ZBTB2: variants seen among roughly 807,000 people sequenced by gnomAD.
The protein encoded by ZBTB2 is zinc finger and BTB domain-containing protein 2.
A neutral mutation model predicts 39.5 loss-of-function variants in ZBTB2; 2 were observed. The observed-to-expected ratio is 0.05, with a 90% CI of 0.02 to 0.16. The LOEUF is 0.16. Ranked by LOEUF, ZBTB2 falls within the 10% of genes least tolerant of loss-of-function variation. The pLI is 1.00. For synonymous variants in ZBTB2, 251 were observed against 256.6 expected (o/e 0.98, Z 0.21); for missense variants, 391 against 653.0 (o/e 0.60, Z 4.37).
At chr6:151,390,043 C>T (rs868442879) in intron 1 of ZBTB2, among the ~76,000 whole-genome samples, 4 of 151,986 alleles carry the variant, frequency 2.6e-5, no homozygotes, top group African/African-American at 9.7e-5. Flanking sequence ...CCGCGCGGGT[C>T]CCACGCCCCA....
rs189889092 is a variant in ZBTB2 at position 151,367,017 on chromosome 6, A to C, written c.174-125T>G. 3.0e-4 allele frequency: 312 copies of C among 1,031,742 alleles called. 2 individuals carry two copies. The East Asian group carries it at 7.7e-3, about 25-fold the overall frequency. 63.9% of individuals were successfully genotyped at this position (1,031,742 alleles called of 1,614,324 possible). A position where few individuals can be genotyped will look rare whatever the true frequency, so the allele number is the denominator to read the frequency against. Reference sequence around the variant, plus strand: ...CATTTCCTATCCTTGATTTTTAGTAAGTTTCATGAAAATGGGATGAAATAA... The same window carrying C: ...CATTTCCTATCCTTGATTTTTAGTACGTTTCATGAAAATGGGATGAAATAA... On this transcript the variant is annotated intron_variant, in intron 2 of 2. Coordinates refer to ENST00000325144, the MANE Select transcript of ZBTB2 (RefSeq NM_020861.3).
At chr6:151,370,437 G>A (rs77821402) in intron 2 of ZBTB2, among the ~76,000 whole-genome samples, 2,059 of 152,258 alleles carry the variant, frequency 0.014, 35 homozygotes, top group African/African-American at 0.047. Flanking sequence ...AGTAATTTCC[G>A]TTTTCAATTA....
intron 1 of ZBTB2, among the ~76,000 whole-genome samples, chr6:151,375,191 T>C (rs1256032103): frequency 6.6e-6 from 1 of 151,644 alleles, no homozygotes; most frequent in East Asian, 1.9e-4. Flanking sequence ...GTCATAAACA[T>C]ACAAAAAAAA....
intron 1 of ZBTB2, among the ~76,000 whole-genome samples, chr6:151,388,894 G>A (rs961773460): frequency 6.6e-6 from 1 of 152,180 alleles, no homozygotes; most frequent in African/African-American, 2.4e-5. Context: ...AAACTGGCAA[G>A]TATGCACTGG....
intron 2 of ZBTB2, among the ~76,000 whole-genome samples, chr6:151,369,281 C>T (rs1055137562): frequency 2.0e-5 from 3 of 152,108 alleles, no homozygotes; most frequent in Non-Finnish European, 2.9e-5. Context: ...AAGAAAGCGG[C>T]GAGTCCCTGG....
At chr6:151,391,272 G>C (rs1779301208) in intron 1 of ZBTB2, 148 bp downstream of exon 1, 1 of 151,918 alleles carries the variant, frequency 6.6e-6, no homozygotes, top group Non-Finnish European at 1.5e-5. Flanking sequence ...CCTGGTACGA[G>C]GGTCATTCGT....
chr6:151,373,777 C>T (rs1778835526), intron 1 of ZBTB2, 128 bp from the exon 2 acceptor site: 3 of 587,656 alleles, frequency 5.1e-6, no homozygotes, highest in Admixed American at 4.1e-5. Flanking sequence ...CTGCTAAAAA[C>T]GTTACACAGA....
At chr6:151,387,331 T>C (rs1010836924) in intron 1 of ZBTB2, among the ~76,000 whole-genome samples, 25 of 152,216 alleles carry the variant, frequency 1.6e-4, no homozygotes, top group African/African-American at 5.8e-4. Flanking sequence ...GCTCACTGAA[T>C]TAAGCAGATC....
At chr6:151,371,037 C>T (rs7773130) in intron 2 of ZBTB2, among the ~76,000 whole-genome samples, 1 of 152,180 alleles carries the variant, frequency 6.6e-6, no homozygotes, top group Non-Finnish European at 1.5e-5. Flanking sequence ...ATTAAAATTG[C>T]CTCCTTTTCA....
In ZBTB2 at chr6:151,368,365, G is replaced by A. The variant is rs1336633289; in HGVS notation, c.174-1473C>T. On this transcript the variant is annotated intron_variant, in intron 2 of 2. Coordinates refer to ENST00000325144, the MANE Select transcript of ZBTB2 (RefSeq NM_020861.3). The stretch of plus-strand genomic sequence containing the variant: ...GGGGTTTCACCATGTTAGCCAGGAT[G>A]GTCTTGATCTGCTGAACTCGTGATC... Among the ~76,000 whole-genome samples the A allele has an allele frequency of 5.3e-5, 8 of 152,274 alleles. No homozygotes were observed. The East Asian group carries it at 1.5e-3, about 29-fold the overall frequency.
chr6:151,374,597 T>C (rs1413885407), intron 1 of ZBTB2, among the ~76,000 whole-genome samples: 1 of 151,992 alleles, frequency 6.6e-6, no homozygotes, highest in Non-Finnish European at 1.5e-5. Flanking sequence ...TACTTAATGG[T>C]AAGAAAGGGT....
At chr6:151,387,288 T>C (rs1181167694) in intron 1 of ZBTB2, among the ~76,000 whole-genome samples, 1 of 152,234 alleles carries the variant, frequency 6.6e-6, no homozygotes, top group African/African-American at 2.4e-5. Flanking sequence ...TCATGATTTT[T>C]AACATCATCT....
At chr6:151,367,788 C>G (rs1374811935) in intron 2 of ZBTB2, among the ~76,000 whole-genome samples, 1 of 152,142 alleles carries the variant, frequency 6.6e-6, no homozygotes, top group African/African-American at 2.4e-5. Flanking sequence ...ATCTAAGGCA[C>G]CTAAAGCCGT....
intron 1 of ZBTB2, among the ~76,000 whole-genome samples, chr6:151,377,174 G>A (rs189268325): frequency 2.2e-4 from 33 of 152,044 alleles, no homozygotes; most frequent in African/African-American, 7.7e-4. Flanking sequence ...GTGGGGTAGT[G>A]GGTGGGCATG....
At chr6:151,389,733 A>T (rs1779241292) in intron 1 of ZBTB2, among the ~76,000 whole-genome samples, 1 of 152,130 alleles carries the variant, frequency 6.6e-6, no homozygotes, top group African/African-American at 2.4e-5. Flanking sequence ...GCCGGGTTAT[A>T]TCCCCAAGGC....
At chr6:151,384,370 G>T (rs574770713) in intron 1 of ZBTB2, among the ~76,000 whole-genome samples, 9 of 152,224 alleles carry the variant, frequency 5.9e-5, no homozygotes, top group African/African-American at 2.2e-4. Flanking sequence ...GGGAGGAGGG[G>T]GTAACAAGCG....
At chr6:151,370,434 TC>T (rs1281927726) in intron 2 of ZBTB2, among the ~76,000 whole-genome samples, 1 of 152,226 alleles carries the variant, frequency 6.6e-6, no homozygotes, top group Non-Finnish European at 1.5e-5. Context: ...CATAGTAATT[TC>T]CGTTTTCAAT....
At chr6:151,387,438 T>C (rs1249469264) in intron 1 of ZBTB2, among the ~76,000 whole-genome samples, 2 of 152,166 alleles carry the variant, frequency 1.3e-5, no homozygotes, top group Admixed American at 1.3e-4. Context: ...CTTCATTGAA[T>C]CCTGAAAGGA....
intron 1 of ZBTB2, among the ~76,000 whole-genome samples, chr6:151,384,748 C>T (rs1779117096): frequency 6.6e-6 from 1 of 152,188 alleles, no homozygotes; most frequent in Admixed American, 6.5e-5. Context: ...ATGTTGGTTA[C>T]ACTGGTCTGG....
Sources: allele counts gnomAD v4.1 joint callset (sites outside exome capture counted in the v4.1 genomes callset), GRCh38; gene constraint gnomAD v4.1.1; transcripts MANE v1.5; gene names NCBI Gene and HGNC (gene_info 2026-07-23, HGNC 2026-07-21).